The following RBPMS variants were observed in gnomAD, a reference collection of about 807,000 sequenced individuals.
The protein encoded by RBPMS is RNA-binding protein with multiple splicing.
In RBPMS, 7 loss-of-function variants were observed where a neutral mutation model predicts 26.8. The ratio of observed to expected loss-of-function variants is 0.26; its 90% CI spans 0.15 to 0.49. RBPMS has a LOEUF of 0.49. Ranked by LOEUF, RBPMS falls within the 20% of genes least tolerant of loss-of-function variation. The probability of loss-of-function intolerance (pLI) is 0.98; values close to 1 mark genes in which losing one functional copy is unlikely to be tolerated. For missense variants in RBPMS, 186 were observed against 250.0 expected (o/e 0.74, Z 1.73); for synonymous variants, 96 against 93.3 (o/e 1.03, Z -0.17).
intron 7 of RBPMS, 134 bp downstream of exon 7, chr8:30,559,090 A>C (rs1167232151): frequency 1.4e-6 from 1 of 713,324 alleles, no homozygotes; most frequent in Admixed American, 2.2e-5. Context: ...ATCTTTGTTA[A>C]ACTCACTTGA....
chr8:30,536,466 AGCAG>A (rs1563423257), intron 5 of RBPMS, among the ~76,000 whole-genome samples: 6 of 152,130 alleles, frequency 3.9e-5, no homozygotes, highest in African/African-American at 1.4e-4. Flanking sequence ...GATGTACCCA[AGCAG>A]CAATTTCAAT....
At chr8:30,409,156 C>T (rs1358656965) in intron 1 of RBPMS, among the ~76,000 whole-genome samples, 2 of 151,658 alleles carry the variant, frequency 1.3e-5, no homozygotes, top group African/African-American at 4.8e-5. Context: ...AAGCATTCCA[C>T]CTCTGGGTCC....
chr8:30,475,861 A>G (rs1458700814), intron 2 of RBPMS, among the ~76,000 whole-genome samples: 3 of 152,218 alleles, frequency 2.0e-5, no homozygotes, highest in African/African-American at 4.8e-5. Context: ...CTTTAATGCA[A>G]CAATAATGAT....
chr8:30,432,341 A>G (rs989446351), intron 1 of RBPMS, among the ~76,000 whole-genome samples: 1 of 152,196 alleles, frequency 6.6e-6, no homozygotes, highest in Non-Finnish European at 1.5e-5. Flanking sequence ...TTAGCCCTGC[A>G]TCTCATTTAC....
intron 3 of RBPMS, 150 bp downstream of exon 3, chr8:30,477,987 G>A: frequency 1.7e-6 from 1 of 591,538 alleles, no homozygotes; most frequent in South Asian, 2.3e-5. Context: ...AATTAGCACA[G>A]GAAAATACTT....
At chr8:30,560,955 A>C (rs1192370037) in intron 7 of RBPMS, among the ~76,000 whole-genome samples, 1 of 152,174 alleles carries the variant, frequency 6.6e-6, no homozygotes, top group African/African-American at 2.4e-5. Flanking sequence ...AACCCCAGAC[A>C]ATGTAGTAGC....
chr8:30,491,671 C>T (rs974940984), intron 4 of RBPMS, among the ~76,000 whole-genome samples: 1 of 152,076 alleles, frequency 6.6e-6, no homozygotes, highest in Non-Finnish European at 1.5e-5. Flanking sequence ...CTCTCCTCCT[C>T]CTACCTCTTT....
chr8:30,427,557 C>G (rs979190410), intron 1 of RBPMS, among the ~76,000 whole-genome samples: 1 of 152,360 alleles, frequency 6.6e-6, no homozygotes, highest in African/African-American at 2.4e-5. Context: ...ACTCCCCTGG[C>G]AAACTCTCTC....
chr8:30,437,390 C>T (rs1206640358), intron 1 of RBPMS, among the ~76,000 whole-genome samples: 2 of 151,766 alleles, frequency 1.3e-5, no homozygotes, highest in Non-Finnish European at 2.9e-5. Context: ...CGTGGTGGCT[C>T]ATGCCTGTAA....
intron 1 of RBPMS, among the ~76,000 whole-genome samples, chr8:30,445,663 T>TATATATATATATATATAC (rs1813668287): frequency 7.0e-6 from 1 of 142,592 alleles, no homozygotes; most frequent in Non-Finnish European, 1.5e-5. Context: ...TATATATATA[T>TATATATATATATATATAC]ATATATATAT....
At chr8:30,567,973 C>T (rs1828012912) in intron 8 of RBPMS, among the ~76,000 whole-genome samples, 1 of 152,172 alleles carries the variant, frequency 6.6e-6, no homozygotes, top group Admixed American at 6.6e-5. Context: ...CTTATGTGAC[C>T]TACCCTTGGA....
At chr8:30,548,124 A>T (rs1416268895) in intron 6 of RBPMS, among the ~76,000 whole-genome samples, 4 of 152,250 alleles carry the variant, frequency 2.6e-5, no homozygotes, top group African/African-American at 9.6e-5. Context: ...TAACATTTTT[A>T]AAAGTGATCA....
chr8:30,559,022 C>T, intron 7 of RBPMS, 66 bp downstream of exon 7: 6 of 1,336,060 alleles, frequency 4.5e-6, no homozygotes, highest in Non-Finnish European at 6.4e-6. Context: ...GGTGGGTGCG[C>T]CATGAACGCA....
intron 1 of RBPMS, among the ~76,000 whole-genome samples, chr8:30,434,227 A>C (rs1473001398): frequency 6.6e-6 from 1 of 152,172 alleles, no homozygotes; most frequent in African/African-American, 2.4e-5. Context: ...TCTCTAAGCA[A>C]CCTTCAAACT....
At chr8:30,461,046 G>GA (rs35028246) in intron 1 of RBPMS, among the ~76,000 whole-genome samples, 9,947 of 138,328 alleles carry the variant, frequency 0.072, 414 homozygotes, top group Non-Finnish European at 0.1. Flanking sequence ...GACCCCATCT[G>GA]AAAAAAAAAA....
chr8:30,425,063 C>T (rs981136309), intron 1 of RBPMS, among the ~76,000 whole-genome samples: 1 of 151,984 alleles, frequency 6.6e-6, no homozygotes, highest in African/African-American at 2.4e-5. Flanking sequence ...TCAAGCAGTC[C>T]TCCCACCTCA....
At chr8:30,419,450 A>ATGTATGTGTG (rs1554509330) in intron 1 of RBPMS, among the ~76,000 whole-genome samples, 3 of 143,176 alleles carry the variant, frequency 2.1e-5, no homozygotes, top group Admixed American at 7.0e-5. Flanking sequence ...CATCTCAAAA[A>ATGTATGTGTG]TGTGTGTGTG....
intron 6 of RBPMS, chr8:30,545,461 A>G (rs965202381): frequency 9.9e-7 from 1 of 1,005,312 alleles, no homozygotes; most frequent in Non-Finnish European, 1.2e-6. Context: ...AGTAACAAAT[A>G]GAAAGTACGT....
intron 1 of RBPMS, among the ~76,000 whole-genome samples, chr8:30,414,231 A>G (rs879531093): frequency 3.3e-5 from 5 of 152,088 alleles, no homozygotes; most frequent in African/African-American, 7.2e-5. Flanking sequence ...GCCAGGGCAG[A>G]TAGCTTGTAA....
Sources: gnomAD v4.1 joint callset for allele counts (sites outside exome capture counted in the v4.1 genomes callset) on GRCh38, gnomAD v4.1.1 for gene constraint, MANE v1.5 for transcripts, NCBI Gene and HGNC (gene_info 2026-07-23, HGNC 2026-07-21) for gene names.